Variants in ATXN8OS observed in about 807,000 individuals in gnomAD.
ATXN8OS encodes the protein ATXN8 opposite strand (non-protein coding).
At chr13:70,130,999 A>G in intron 3 of ATXN8OS, 1 of 398,510 alleles carries the variant, frequency 2.5e-6, no homozygotes, top group African/African-American at 2.1e-5. Flanking sequence ...AGAACACTGA[A>G]TTGACTGAAT....
chr13:70,126,490 T>A (rs781359520), intron 2 of ATXN8OS, among the ~76,000 whole-genome samples: 15 of 152,088 alleles, frequency 9.9e-5, no homozygotes, highest in Non-Finnish European at 1.6e-4. Context: ...TCCATACAGG[T>A]AGATGAATAG....
intron 4 of ATXN8OS, among the ~76,000 whole-genome samples, chr13:70,164,748 T>G (rs916594168): frequency 6.6e-6 from 1 of 152,046 alleles, no homozygotes; most frequent in Admixed American, 6.6e-5. Context: ...CCAGTTTCCT[T>G]TGTTCAAGTT....
At chr13:70,118,466 GA>G (rs915887143) in intron 2 of ATXN8OS, among the ~76,000 whole-genome samples, 7 of 151,638 alleles carry the variant, frequency 4.6e-5, no homozygotes, top group South Asian at 2.1e-4. Flanking sequence ...ATTTTTTGTA[GA>G]AAAAAAATTT....
intron 2 of ATXN8OS, among the ~76,000 whole-genome samples, chr13:70,121,383 T>C (rs1174285609): frequency 2.6e-5 from 4 of 152,138 alleles, no homozygotes; most frequent in Non-Finnish European, 4.4e-5. Flanking sequence ...TAGAGTTTGA[T>C]TTTAATTCTA....
chr13:70,153,316 T>A (rs1888895116), intron 4 of ATXN8OS, among the ~76,000 whole-genome samples: 1 of 152,146 alleles, frequency 6.6e-6, no homozygotes, highest in Admixed American at 6.5e-5. Context: ...GGCTCACGCC[T>A]ATAATCCTAG....
At chr13:70,113,897 G>T (rs1422877290) in intron 1 of ATXN8OS, among the ~76,000 whole-genome samples, 1 of 152,150 alleles carries the variant, frequency 6.6e-6, no homozygotes, top group African/African-American at 2.4e-5. Context: ...AATTATGGAT[G>T]TAACGTAAAT....
At chr13:70,152,416 T>C (rs925702017) in intron 4 of ATXN8OS, among the ~76,000 whole-genome samples, 4 of 151,944 alleles carry the variant, frequency 2.6e-5, no homozygotes, top group African/African-American at 9.7e-5. Flanking sequence ...CAAGTATACA[T>C]ATATACACAT....
chr13:70,168,246 T>C (rs547684355), intron 4 of ATXN8OS, among the ~76,000 whole-genome samples: 1 of 152,116 alleles, frequency 6.6e-6, no homozygotes, highest in Non-Finnish European at 1.5e-5. Flanking sequence ...TCTTAATGTT[T>C]CTACATTTTT....
chr13:70,112,920 A>ATATATATATATATTTT (rs1555298511), intron 1 of ATXN8OS, among the ~76,000 whole-genome samples: 1 of 87,590 alleles, frequency 1.1e-5, no homozygotes, highest in African/African-American at 4.4e-5. Context: ...TATATATATA[A>ATATATATATATATTTT]TTTTTTTTTT....
At chr13:70,120,806 C>T in intron 2 of ATXN8OS, among the ~76,000 whole-genome samples, 1 of 151,600 alleles carries the variant, frequency 6.6e-6, no homozygotes, top group East Asian at 1.9e-4. Flanking sequence ...TCATTCTCAG[C>T]AAACTATCAC....
intron 3 of ATXN8OS, among the ~76,000 whole-genome samples, chr13:70,135,150 C>A (rs764507893): frequency 1.3e-5 from 2 of 152,240 alleles, no homozygotes; most frequent in Non-Finnish European, 2.9e-5. Context: ...CTGACTTTTT[C>A]TTTATTATCA....
chr13:70,130,483 T>A (rs1361920037), intron 3 of ATXN8OS, among the ~76,000 whole-genome samples: 1 of 152,162 alleles, frequency 6.6e-6, no homozygotes, highest in East Asian at 1.9e-4. Context: ...TAAACTTTAT[T>A]GTGATAAGCC....
chr13:70,148,137 G>A (rs1340373735), intron 4 of ATXN8OS, among the ~76,000 whole-genome samples: 1 of 152,036 alleles, frequency 6.6e-6, no homozygotes, highest in Non-Finnish European at 1.5e-5. Flanking sequence ...AATAGAGGGT[G>A]AATGTCTCTT....
chr13:70,133,903 TAAGATG>T (rs1888569238), intron 3 of ATXN8OS, among the ~76,000 whole-genome samples: 3 of 152,204 alleles, frequency 2.0e-5, no homozygotes. Flanking sequence ...GGCAGTCCTC[TAAGATG>T]AGAACAATAT....
intron 4 of ATXN8OS, among the ~76,000 whole-genome samples, chr13:70,166,842 A>T (rs1344659922): frequency 6.6e-6 from 1 of 151,952 alleles, no homozygotes; most frequent in Non-Finnish European, 1.5e-5. Flanking sequence ...AACCCCATCA[A>T]AAAGTGGGCA....
At chr13:70,171,708 G>T (rs1368314618) in exon 5 of ATXN8OS, among the ~76,000 whole-genome samples, 1 of 151,914 alleles carries the variant, frequency 6.6e-6, no homozygotes, top group African/African-American at 2.4e-5. Flanking sequence ...TTTCTTATGT[G>T]TAAAACAGAC....
intron 4 of ATXN8OS, among the ~76,000 whole-genome samples, chr13:70,161,195 G>C (rs112511849): frequency 2.5e-3 from 383 of 151,594 alleles, no homozygotes; most frequent in African/African-American, 8.4e-3. Context: ...ATTACCCACT[G>C]TCATACAGAG....
Position 70,145,760 on chromosome 13 carries a change from A to C in ATXN8OS, n.500-1595A>C, listed in dbSNP as rs561246784. Among the ~76,000 whole-genome samples, 39 of 152,242 alleles carry C rather than the reference A, an allele frequency of 2.6e-4. No homozygotes were observed. In the South Asian group the frequency reaches 6.8e-3, roughly 27 times the overall value. ...CTTAAGGAGATTTTGGGCTGAGACAATGGGGTTTTCTAGATATACAATCAT... is the reference window on the plus strand; with the variant it reads ...CTTAAGGAGATTTTGGGCTGAGACACTGGGGTTTTCTAGATATACAATCAT... On this transcript the variant is annotated intron_variant and non_coding_transcript_variant, in intron 3 of 4. Transcript: ENST00000678624.
chr13:70,168,687 G>A (rs1056683795), intron 4 of ATXN8OS, among the ~76,000 whole-genome samples: 1 of 149,330 alleles, frequency 6.7e-6, no homozygotes, highest in Non-Finnish European at 1.5e-5. Context: ...ACAACCTTTA[G>A]TTCTATTCAT....
Sources: gnomAD v4.1 joint callset for allele counts (sites outside exome capture counted in the v4.1 genomes callset) on GRCh38, gnomAD v4.1.1 for gene constraint, MANE v1.5 for transcripts, NCBI Gene and HGNC (gene_info 2026-07-23, HGNC 2026-07-21) for gene names.